The following TNRC18 variants were observed in gnomAD, a reference collection of about 807,000 sequenced individuals.
TNRC18 encodes trinucleotide repeat-containing gene 18 protein.
TNRC18 carries 69 observed loss-of-function variants against 226.7 expected under a neutral mutation model. That is an observed-to-expected ratio of 0.30 (90% CI 0.25 to 0.37). TNRC18 has a LOEUF of 0.37. Ranked by LOEUF, TNRC18 falls within the 10% of genes least tolerant of loss-of-function variation. The pLI is 1.00. For missense variants in TNRC18, 4,754 were observed against 4,256.6 expected (o/e 1.12, Z -3.25); for synonymous variants, 2,449 against 1,927.6 (o/e 1.27, Z -7.09).
Position 5,394,366 on chromosome 7 carries a change from G to C in TNRC18, c.343+74C>G. On this transcript the variant is annotated intron_variant, in intron 3 of 29. Transcript: ENST00000430969. This position sits in a 1 kb window ranked among gnomAD's most constrained non-coding sequence, Gnocchi z 4.5. ...CCCAGCTCAGCGATGACAACAGAGG[G>C]GCACATGAAGTGGCCAGAGTGGCTG... 2 of 1,376,882 alleles carry C rather than the reference G, an allele frequency of 1.5e-6. No homozygotes were observed. The highest frequency in any genetic ancestry group is 5.6e-5 in the East Asian group (2 of 35,850). 85.3% of individuals were successfully genotyped at this position (1,376,882 alleles called of 1,614,324 possible).
intron 5 of TNRC18, among the ~76,000 whole-genome samples, chr7:5,382,909 T>TG (rs1347129839): frequency 3.9e-4 from 60 of 152,056 alleles, no homozygotes; most frequent in African/African-American, 1.4e-3. Context: ...TTTCTATTTT[T>TG]GGGGTGGGGG....
At chr7:5,345,228 G>C (rs974919773) in intron 18 of TNRC18, among the ~76,000 whole-genome samples, 1 of 152,196 alleles carries the variant, frequency 6.6e-6, no homozygotes, top group East Asian at 1.9e-4. Context: ...CACCAACCTG[G>C]AGTGGCCCCC....
At chr7:5,336,779 T>C (rs1337985746) in intron 18 of TNRC18, among the ~76,000 whole-genome samples, 1 of 152,038 alleles carries the variant, frequency 6.6e-6, no homozygotes, top group Admixed American at 6.6e-5. Flanking sequence ...AGAAGTACAA[T>C]TTCAGAAATA....
chr7:5,321,035 G>A (rs771443567), intron 22 of TNRC18, 38 bp downstream of exon 22: 1 of 1,436,140 alleles, frequency 7.0e-7, no homozygotes, highest in Non-Finnish European at 9.5e-7. Context: ...GCGGGTATGG[G>A]ACACGGGGCT....
chr7:5,326,099 T>C (rs759516329), intron 19 of TNRC18, among the ~76,000 whole-genome samples: 3 of 152,136 alleles, frequency 2.0e-5, no homozygotes, highest in African/African-American at 7.2e-5. Context: ...AGTGTATATA[T>C]GTTGCAAGTT....
intron 2 of TNRC18, among the ~76,000 whole-genome samples, chr7:5,417,620 T>A (rs1428748247): frequency 6.6e-6 from 1 of 152,200 alleles, no homozygotes; most frequent in Non-Finnish European, 1.5e-5. Context: ...GAGCGGTGCC[T>A]GGCACGCAGG....
rs368473401 is a variant in TNRC18 at position 5,313,358 on chromosome 7, G to A, written c.7533C>T (p.Ser2511=). The change falls in exon 27 of 30, where the codon AGC becomes AGT. Residue 2511 remains serine, a synonymous_variant. Coordinates refer to ENST00000430969, the MANE Select transcript of TNRC18 (RefSeq NM_001080495.3). ...LGSYPPAAGS[S]EPKAPWPKAT... ...CCTTGGGCCAGGGTGCCTTGGGCTC[G>A]CTGCTGCCGGCCGCGGGGGGATAGC... 2.4e-4 allele frequency: 376 copies of A among 1,566,868 alleles called. No homozygotes were observed. Among genetic ancestry groups the A allele is most frequent in the Middle Eastern group, 4.5e-4 (2 of 4,466 alleles).
At chr7:5,381,510 A>T (rs544285251) in intron 5 of TNRC18, among the ~76,000 whole-genome samples, 147 of 152,080 alleles carry the variant, frequency 9.7e-4, no homozygotes, top group Non-Finnish European at 1.8e-3. Flanking sequence ...CGTTCTCTTG[A>T]CTATACACAG....
intron 18 of TNRC18, among the ~76,000 whole-genome samples, chr7:5,335,195 C>T (rs1036494230): frequency 1.9e-4 from 28 of 148,912 alleles, no homozygotes; most frequent in African/African-American, 3.5e-4. Context: ...CCCAGCTACT[C>T]GGGAGGCTTA....
rs971970969 is a variant in TNRC18, at chr7:5,364,125, C to A, written c.4220-1300G>T. Reference sequence around the variant, plus strand: ...ACCAGTCTGGCCAACATGGTGAAACCCTGTCTCTACTAAAAATTCAAAAAT... The same window carrying A: ...ACCAGTCTGGCCAACATGGTGAAACACTGTCTCTACTAAAAATTCAAAAAT... On this transcript the variant is annotated intron_variant, in intron 11 of 29. Transcript: ENST00000430969. Among the ~76,000 whole-genome samples the A allele has an allele frequency of 3.3e-5, 5 of 152,042 alleles. No individual in the cohort carries two copies. In the East Asian group the frequency reaches 9.7e-4, roughly 29 times the overall value.
chr7:5,371,491 G>A, intron 10 of TNRC18, 127 bp from the exon 11 acceptor site: 19 of 1,254,308 alleles, frequency 1.5e-5, no homozygotes, highest in Non-Finnish European at 2.0e-5. Flanking sequence ...CAGCTACAGG[G>A]TGGGAGCTGT....
In TNRC18 at chr7:5,313,016, G is replaced by GGAGGAGGAGGAGGAGGAT. The variant is rs756982608; in HGVS notation, c.7857_7874dup (p.Ser2666_Ser2671dup). 3.5e-6 allele frequency: 3 copies of GGAGGAGGAGGAGGAGGAT among 855,144 alleles called. No homozygotes were observed. The highest frequency in any genetic ancestry group is 2.1e-5 in the Admixed American group (1 of 48,770). The allele number at this position is 855,144 out of a possible 1,614,324, so 53.0% of individuals were successfully genotyped here. On this transcript the variant is annotated inframe_insertion, in exon 27 of 30. Coordinates refer to ENST00000430969, the MANE Select transcript of TNRC18 (RefSeq NM_001080495.3). ...AGGAAGAGGAGGATGAGGAGGAGGA[G>GGAGGAGGAGGAGGAGGAT]GAGGAGGAGGAGGAGGATGAGGAGG...
In TNRC18 at chr7:5,388,590, C is replaced by T. The variant is rs1301916986; in HGVS notation, c.1234G>A (p.Ala412Thr). 4 of 1,297,970 alleles carry T rather than the reference C, an allele frequency of 3.1e-6. No homozygotes were observed. Among genetic ancestry groups the T allele is most frequent in the Non-Finnish European group, 3.9e-6 (4 of 1,023,926 alleles). 80.4% of individuals were successfully genotyped at this position (1,297,970 alleles called of 1,614,324 possible). The change falls in exon 5 of 30, where the codon GCG becomes ACG. Residue 412 changes from alanine to threonine, a missense_variant. Coordinates refer to ENST00000430969, the MANE Select transcript of TNRC18 (RefSeq NM_001080495.3). ...AGAGGCCGCGGGGAGCCGGGGGGCG[C>T]CTGCAGGACCCCTGGCCTGCCAGCC... ...REAGRPGVLQ[A>T]PPGSPRPLDR...
intron 9 of TNRC18, among the ~76,000 whole-genome samples, chr7:5,375,599 C>T (rs892091968): frequency 6.6e-6 from 1 of 152,138 alleles, no homozygotes; most frequent in African/African-American, 2.4e-5. Context: ...TTTGTGTCCC[C>T]TATCTTATGG....
chr7:5,308,343 G>C (rs1786781908), intron 29 of TNRC18, 31 bp from the exon 30 acceptor site: 3 of 1,582,844 alleles, frequency 1.9e-6, no homozygotes, highest in South Asian at 2.3e-5. Context: ...CAGGATGGCA[G>C]GTGGGGGGCA....
At chr7:5,376,290 G>T (rs1196514806) in intron 8 of TNRC18, 66 bp from the exon 9 acceptor site, 1 of 1,339,412 alleles carries the variant, frequency 7.5e-7, no homozygotes, top group Non-Finnish European at 9.8e-7. Flanking sequence ...CCATTACGAG[G>T]GGAAGCTGAA....
At chr7:5,365,026 G>C (rs963703348) in intron 11 of TNRC18, among the ~76,000 whole-genome samples, 6 of 151,650 alleles carry the variant, frequency 4.0e-5, no homozygotes, top group African/African-American at 1.5e-4. Flanking sequence ...GAATCATGTG[G>C]GGGGGCGGGG....
At chr7:5,318,650 G>A (rs1174590729) in intron 24 of TNRC18, among the ~76,000 whole-genome samples, 14 of 151,986 alleles carry the variant, frequency 9.2e-5, no homozygotes, top group Admixed American at 7.2e-4. Context: ...ATAATGAGAA[G>A]ATCCTAAAAG....
Position 5,352,192 on chromosome 7 carries a change from T to G in TNRC18, c.5195-98A>C, listed in dbSNP as rs1204033357. On this transcript the variant is annotated intron_variant, in intron 16 of 29. Coordinates refer to ENST00000430969, the MANE Select transcript of TNRC18 (RefSeq NM_001080495.3). The stretch of plus-strand genomic sequence containing the variant: ...ATGGTTCTGAGAACGTACTGGAAGG[T>G]GCCAGAACAAACAGGTCCGAATACC... The G allele has an allele frequency of 4.5e-6, 6 of 1,320,098 alleles. No individual in the cohort carries two copies. In the African/African-American group the frequency reaches 7.5e-5, roughly 16 times the overall value. 81.8% of individuals were successfully genotyped at this position (1,320,098 alleles called of 1,614,324 possible).
Sources: allele counts gnomAD v4.1 joint callset (sites outside exome capture counted in the v4.1 genomes callset), GRCh38; gene constraint gnomAD v4.1.1; non-coding constraint Gnocchi (gnomAD v3.1); transcripts MANE v1.5; gene names NCBI Gene and HGNC (gene_info 2026-07-23, HGNC 2026-07-21).